The following ZMAT4 variants were observed in gnomAD, a reference collection of about 807,000 sequenced individuals.
The protein encoded by ZMAT4 is zinc finger matrin-type 4, also known as zinc finger matrin-type protein 4.
A neutral mutation model predicts 28.7 loss-of-function variants in ZMAT4; 17 were observed. The ratio of observed to expected loss-of-function variants is 0.59; its 90% confidence interval spans 0.41 to 0.89. The LOEUF is 0.89. ZMAT4 is among the 40% of genes least tolerant of loss of function. The probability of loss-of-function intolerance (pLI) is 0.00; values close to 1 mark genes in which losing one functional copy is unlikely to be tolerated. For missense variants in ZMAT4, 240 were observed against 283.8 expected, an observed-to-expected ratio of 0.85 and a Z score of 1.11; for synonymous variants, 117 against 109.2, an observed-to-expected ratio of 1.07 and a Z score of -0.44.
intron 4 of ZMAT4, among the ~76,000 whole-genome samples, chr8:40,688,741 G>A (rs1051124536): frequency 1.3e-5 from 2 of 152,106 alleles, no homozygotes; most frequent in Non-Finnish European, 1.5e-5. Context: ...AACATGCTAG[G>A]TGTCTGTGTC....
At chr8:40,767,370 T>G (rs1813203325) in intron 3 of ZMAT4, among the ~76,000 whole-genome samples, 1 of 152,146 alleles carries the variant, frequency 6.6e-6, no homozygotes, top group South Asian at 2.1e-4. Flanking sequence ...TACCCAGCCT[T>G]GCTCTCTGCC....
At position 40,683,133 on chromosome 8, in the gene ZMAT4, G is replaced by A. The variant is rs981654625; in HGVS notation, c.350-8202C>T. On this transcript the variant is annotated intron_variant, in intron 4 of 6. Coordinates refer to ENST00000297737, the MANE Select transcript of ZMAT4 (RefSeq NM_024645.3). ...GGTGTTAAATAAACCCTTCCTGAAT[G>A]AAGGGAGCAGCTTATTCTCCATAGT... Among the ~76,000 whole-genome samples the A allele has an allele frequency of 4.4e-4, 67 of 152,286 alleles. 1 individual carries two copies. The highest frequency in any genetic ancestry group is 1.6e-3 in the African/African-American group (66 of 41,562).
At chr8:40,829,330 C>G (rs1231999319) in intron 1 of ZMAT4, among the ~76,000 whole-genome samples, 1 of 152,232 alleles carries the variant, frequency 6.6e-6, no homozygotes, top group Non-Finnish European at 1.5e-5. Flanking sequence ...TCATCACTCT[C>G]CAGTACTCAC....
chr8:40,674,681 G>T, intron 5 of ZMAT4, 23 bp downstream of exon 5: 2 of 1,594,164 alleles, frequency 1.3e-6, no homozygotes, highest in Non-Finnish European at 1.7e-6. Flanking sequence ...TTTTGTGGCA[G>T]AAGTGAGAAG....
At chr8:40,846,402 G>T (rs1168643772) in intron 1 of ZMAT4, among the ~76,000 whole-genome samples, 1 of 152,202 alleles carries the variant, frequency 6.6e-6, no homozygotes, top group Non-Finnish European at 1.5e-5. Flanking sequence ...GGACAGCAGA[G>T]CTCTGGTCCG....
At chr8:40,579,815 T>A in intron 6 of ZMAT4, among the ~76,000 whole-genome samples, 1 of 152,072 alleles carries the variant, frequency 6.6e-6, no homozygotes. Flanking sequence ...GATATTGTGT[T>A]GAGCAAAATC....
chr8:40,796,216 C>T, intron 2 of ZMAT4, among the ~76,000 whole-genome samples: 1 of 152,320 alleles, frequency 6.6e-6, no homozygotes, highest in African/African-American at 2.4e-5. Flanking sequence ...CACCTAACAG[C>T]AGGCTCCAAG....
intron 5 of ZMAT4, among the ~76,000 whole-genome samples, chr8:40,630,647 C>A (rs1806541026): frequency 2.0e-5 from 3 of 152,300 alleles, no homozygotes; most frequent in Admixed American, 6.5e-5. Context: ...ATACTGTAAG[C>A]TGTACCATAT....
chr8:40,884,082 A>G (rs1586221492), intron 1 of ZMAT4, among the ~76,000 whole-genome samples: 1 of 152,138 alleles, frequency 6.6e-6, no homozygotes, highest in Non-Finnish European at 1.5e-5. Flanking sequence ...ATTTGTCTCC[A>G]CCACCCGCTG....
chr8:40,646,621 A>C (rs543809396), intron 5 of ZMAT4, among the ~76,000 whole-genome samples: 4 of 152,332 alleles, frequency 2.6e-5, no homozygotes, highest in Non-Finnish European at 4.4e-5. Flanking sequence ...GAGGCAAATA[A>C]GGACATTTCA....
intron 1 of ZMAT4, among the ~76,000 whole-genome samples, chr8:40,888,086 A>G (rs1050620402): frequency 6.6e-6 from 1 of 151,180 alleles, no homozygotes; most frequent in Non-Finnish European, 1.5e-5. Context: ...CAGCACCTAC[A>G]CTCTACCTCA....
rs557343003 is a variant in ZMAT4, at chr8:40,641,537, G to A, written c.577+33167C>T. On this transcript the variant is annotated intron_variant, in intron 5 of 6. Transcript: ENST00000297737. ...TTTTTTAAGCTACTGTATTGAAGTA[G>A]GATTGGCATACTAAAAGCTATAAAT... Among the ~76,000 whole-genome samples the A allele has an allele frequency of 8.5e-5, 13 of 152,070 alleles. 1 individual carries two copies. Among genetic ancestry groups the A allele is most frequent in the Non-Finnish European group, 1.8e-4 (12 of 68,024 alleles).
intron 3 of ZMAT4, among the ~76,000 whole-genome samples, chr8:40,732,121 G>A (rs1811567641): frequency 6.6e-6 from 1 of 152,164 alleles, no homozygotes; most frequent in African/African-American, 2.4e-5. Flanking sequence ...ATCAGATGGA[G>A]AGAGTTCTAG....
chr8:40,725,362 C>T (rs1479639606), intron 3 of ZMAT4, among the ~76,000 whole-genome samples: 1 of 152,154 alleles, frequency 6.6e-6, no homozygotes, highest in African/African-American at 2.4e-5. Context: ...TCCTGAGGGG[C>T]CTTCCTCAGG....
At chr8:40,678,798 G>A (rs1250880802) in intron 4 of ZMAT4, among the ~76,000 whole-genome samples, 4 of 152,084 alleles carry the variant, frequency 2.6e-5, no homozygotes, top group Non-Finnish European at 5.9e-5. Context: ...AGTTTTTTCA[G>A]ATTCATTTAT....
chr8:40,668,869 C>T (rs1007218799), intron 5 of ZMAT4, among the ~76,000 whole-genome samples: 7 of 131,912 alleles, frequency 5.3e-5, no homozygotes, highest in African/African-American at 1.9e-4. Flanking sequence ...AAGGAACTGC[C>T]TTTTAAAGTG....
chr8:40,601,637 A>C (rs1413922883), intron 5 of ZMAT4, among the ~76,000 whole-genome samples: 1 of 35,630 alleles, frequency 2.8e-5, no homozygotes, highest in Non-Finnish European at 6.2e-5. Context: ...AAAGAAAGAG[A>C]AAGAAAGAAA....
chr8:40,589,227 C>T (rs563779143), intron 5 of ZMAT4, among the ~76,000 whole-genome samples: 9 of 152,128 alleles, frequency 5.9e-5, no homozygotes, highest in African/African-American at 1.4e-4. Flanking sequence ...ATTGTTATAC[C>T]GATTTAACAG....
At chr8:40,730,646 A>G (rs528116347) in intron 3 of ZMAT4, among the ~76,000 whole-genome samples, 233 of 152,278 alleles carry the variant, frequency 1.5e-3, no homozygotes, top group African/African-American at 5.5e-3. Context: ...TGGGATTGAC[A>G]TAGCCTGGTG....
Sources: gnomAD v4.1 joint callset for allele counts (sites outside exome capture counted in the v4.1 genomes callset) on GRCh38, gnomAD v4.1.1 for gene constraint, MANE v1.5 for transcripts, NCBI Gene and HGNC (gene_info 2026-07-23, HGNC 2026-07-21) for gene names.